Variants in LYSMD3 observed in about 807,000 individuals in gnomAD.
LYSMD3 encodes the protein lysM and putative peptidoglycan-binding domain-containing protein 3.
In LYSMD3, 13 loss-of-function variants were observed where a neutral mutation model predicts 26.1. That is an observed-to-expected ratio of 0.50 (90% CI 0.32 to 0.79). The LOEUF (loss-of-function observed/expected upper bound fraction) is 0.79, where lower values mean the gene tolerates loss of function less well. Among genes scored for constraint, LYSMD3 ranks in the 30% least tolerant of loss-of-function variants. The probability of loss-of-function intolerance (pLI) is 0.03; values close to 1 mark genes in which losing one functional copy is unlikely to be tolerated. For synonymous variants in LYSMD3, 109 were observed against 119.4 expected, an observed-to-expected ratio of 0.91 and a Z score of 0.57; for missense variants, 331 against 362.5, an observed-to-expected ratio of 0.91 and a Z score of 0.71.
chr5:90,524,778 G>A (rs537079452), intron 2 of LYSMD3, among the ~76,000 whole-genome samples: 1 of 152,216 alleles, frequency 6.6e-6, no homozygotes, highest in South Asian at 2.1e-4. Context: ...ATTTTTAGTA[G>A]AGACGGGGTT....
chr5:90,523,487 A>C (rs1410303768), intron 2 of LYSMD3, among the ~76,000 whole-genome samples: 1 of 151,992 alleles, frequency 6.6e-6, no homozygotes, highest in Non-Finnish European at 1.5e-5. Context: ...AATCAATAAA[A>C]GGTTTTTCAA....
intron 2 of LYSMD3, among the ~76,000 whole-genome samples, chr5:90,523,202 G>T (rs1364590037): frequency 1.3e-5 from 2 of 151,996 alleles, no homozygotes; most frequent in African/African-American, 2.4e-5. Context: ...GGCAAGAATT[G>T]ATGTTTTCAT....
At position 90,529,455 on chromosome 5, in the gene LYSMD3, C is replaced by G. The variant is rs978611987; in HGVS notation, c.-19G>C. ...TCCTGCCACCATCTTTACCTGTCCCCGTTAGCAGGGAGCACTCTGCGAGAA... is the reference window on the plus strand; with the variant it reads ...TCCTGCCACCATCTTTACCTGTCCCGGTTAGCAGGGAGCACTCTGCGAGAA... On this transcript the variant is annotated 5_prime_UTR_variant, in exon 1 of 3. Transcript: ENST00000315948. The G allele has an allele frequency of 6.6e-6, 3 of 456,550 alleles. No individual in the cohort carries two copies. The highest frequency in any genetic ancestry group is 1.3e-5 in the Non-Finnish European group (3 of 226,984). The allele number at this position is 456,550 out of a possible 1,614,324, so 28.3% of individuals were successfully genotyped here.
chr5:90,519,228 A>C lies in LYSMD3; in HGVS notation c.512T>G (p.Ile171Arg), dbSNP rs201702752. 6.2e-7 allele frequency: 1 copy of C among 1,613,926 alleles called. No individual in the cohort carries two copies. The highest frequency in any genetic ancestry group is 8.5e-7 in the Non-Finnish European group (1 of 1,179,968). ...TCTCTTATTGTCTGTACACTTTACT[A>C]TTTGTTCTATGTCTCGGTCTACTTC... Reference protein sequence around the residue: ...LKEVDRDIEQIVKCTDNKREN... With the variant: ...LKEVDRDIEQRVKCTDNKREN... Residue 171 changes from isoleucine (I) to arginine (R), a missense_variant, in exon 3 of 3, where the codon ATA becomes AGA. Ile to Arg is a moderately conservative substitution (Grantham distance 97). Around this residue, in one of 3 missense-constraint regions of LYSMD3, gnomAD observed 262 missense variants for 267.3 expected, o/e 0.98. Coordinates refer to ENST00000315948, the MANE Select transcript of LYSMD3 (RefSeq NM_198273.2).
chr5:90,523,913 G>A (rs1201979645), intron 2 of LYSMD3, among the ~76,000 whole-genome samples: 2 of 152,096 alleles, frequency 1.3e-5, no homozygotes, highest in East Asian at 3.9e-4. Context: ...AAAATATCCT[G>A]CTAAGGCCTC....
Position 90,518,911 on chromosome 5 carries a change from C to A in LYSMD3, c.829G>T (p.Val277Leu). The change falls in exon 3 of 3, where the codon GTG (valine) becomes TTG (leucine). Residue 277 changes from valine (V) to leucine (L), a missense_variant. Physicochemically the swap from Val to Leu is conservative, Grantham distance 32. Transcript: ENST00000315948. ...SQQREMENGI[V>L]PTKGIHFSQQ... The stretch of plus-strand genomic sequence containing the variant: ...CTGAAATGTATTCCTTTAGTTGGCA[C>A]AATTCCATTTTCCATTTCTCTCTGC... The A allele has an allele frequency of 1.2e-6, 2 of 1,614,002 alleles. No individual in the cohort carries two copies. Among genetic ancestry groups the A allele is most frequent in the Middle Eastern group, 1.6e-4 (1 of 6,062 alleles).
At position 90,520,918 on chromosome 5, in the gene LYSMD3, C is replaced by CA. The variant is rs371094430; in HGVS notation, c.256-1435dup. Reference sequence around the variant, plus strand: ...TGGGCAACAGAGCGAGACTCCATCTCAAAAAAAAAAAAAGTAATTGAAGTC... The same window carrying CA: ...TGGGCAACAGAGCGAGACTCCATCTCAAAAAAAAAAAAAAGTAATTGAAGTC... On this transcript the variant is annotated intron_variant, in intron 2 of 2. Transcript: ENST00000315948. 1.7e-3 allele frequency among the ~76,000 whole-genome samples: 206 copies of CA among 121,992 alleles called. 1 individual carries two copies. Among genetic ancestry groups the CA allele is most frequent in the East Asian group, 4.0e-3 (17 of 4,256 alleles). The allele number at this position is 121,992 out of a possible 152,430, so 80.0% of individuals were successfully genotyped here.
chr5:90,519,525 A>G, intron 2 of LYSMD3, 41 bp from the exon 3 acceptor site: 1 of 1,536,092 alleles, frequency 6.5e-7, no homozygotes, highest in Non-Finnish European at 8.7e-7. Flanking sequence ...CTGAATTCCA[A>G]TCAAAATAAA....
At chr5:90,524,860 G>A (rs905233643) in intron 2 of LYSMD3, among the ~76,000 whole-genome samples, 175 bp downstream of exon 2, 4 of 152,120 alleles carry the variant, frequency 2.6e-5, no homozygotes, top group Non-Finnish European at 5.9e-5. Flanking sequence ...CCAAAGTGCT[G>A]GGATTACAGG....
At position 90,523,787 on chromosome 5, in the gene LYSMD3, C is replaced by G. The variant is rs80274967; in HGVS notation, c.255+1248G>C. 4.1e-3 allele frequency among the ~76,000 whole-genome samples: 617 copies of G among 152,162 alleles called. 17 individuals carry two copies. In the East Asian group the frequency reaches 0.075, roughly 18 times the overall value. On this transcript the variant is annotated intron_variant, in intron 2 of 2. Coordinates refer to ENST00000315948, the MANE Select transcript of LYSMD3 (RefSeq NM_198273.2). ...CATGAGGAAGAATTTAGGAAGTTCA[C>G]TTAAAAATGTGCAATGAGGTACATA...
rs1580228996 is a variant in LYSMD3, at chr5:90,516,672, T to G, written c.*2147A>C. The G allele has an allele frequency of 6.6e-6, 1 of 152,482 alleles. No individual in the cohort carries two copies. Among genetic ancestry groups the G allele is most frequent in the Admixed American group, 6.5e-5 (1 of 15,294 alleles). The allele number at this position is 152,482 out of a possible 1,614,324, so 9.4% of individuals were successfully genotyped here. A position where few individuals can be genotyped will look rare whatever the true frequency, so the allele number is the denominator to read the frequency against. On this transcript the variant is annotated 3_prime_UTR_variant, in exon 3 of 3. Coordinates refer to ENST00000315948, the MANE Select transcript of LYSMD3 (RefSeq NM_198273.2). ...TATGTAACCTTTATATAGAATTATA[T>G]GTAACTCAAATTATATTCAATTAAT... is the stretch of plus-strand genomic sequence containing the variant.
chr5:90,525,263 A>G lies in LYSMD3; in HGVS notation c.27T>C (p.Ser9=), dbSNP rs1753193416. 3.1e-6 allele frequency: 5 copies of G among 1,610,250 alleles called. No individual in the cohort carries two copies. Among genetic ancestry groups the G allele is most frequent in the Non-Finnish European group, 4.2e-6 (5 of 1,178,884 alleles). The change falls in exon 2 of 3, where the codon AGT becomes AGC. Residue 9 remains serine (S), a synonymous_variant. Transcript: ENST00000315948. The part of the protein sequence containing the change: MAGRHQNR[S]FPLPGVQSSG... ...TTGACTGAACTCCTGGAAGAGGAAA[A>G]CTACGATTCTGATGCCTCCCTGCCA...
intron 2 of LYSMD3, among the ~76,000 whole-genome samples, chr5:90,520,007 C>CA (rs762195803): frequency 6.6e-6 from 1 of 151,394 alleles, no homozygotes; most frequent in Non-Finnish European, 1.5e-5. Flanking sequence ...GCCACCATTC[C>CA]AAAAAAAGAT....
rs1752933487 is a variant in LYSMD3, at chr5:90,515,882, A to C, written c.*2937T>G. On this transcript the variant is annotated 3_prime_UTR_variant, in exon 3 of 3. Transcript: ENST00000315948. Reference sequence around the variant, plus strand: ...AGAAAATACTGATTACCTGAGCAACATTTTTGTAATGCAAATTAAAAATGA... The same window carrying C: ...AGAAAATACTGATTACCTGAGCAACCTTTTTGTAATGCAAATTAAAAATGA... 1 of 152,196 alleles carries C rather than the reference A, an allele frequency of 6.6e-6. No homozygotes were observed. Among genetic ancestry groups the C allele is most frequent in the Admixed American group, 6.5e-5 (1 of 15,288 alleles). The allele number at this position is 152,196 out of a possible 1,614,324, so 9.4% of individuals were successfully genotyped here.
chr5:90,524,840 C>A (rs1753178820), intron 2 of LYSMD3, among the ~76,000 whole-genome samples, 195 bp downstream of exon 2: 1 of 152,168 alleles, frequency 6.6e-6, no homozygotes, highest in African/African-American at 2.4e-5. Context: ...GATCCACCCG[C>A]CTCGGCCTCC....
intron 2 of LYSMD3, 134 bp downstream of exon 2, chr5:90,524,901 C>A: frequency 1.1e-6 from 1 of 895,412 alleles, no homozygotes; most frequent in Non-Finnish European, 1.6e-6. Context: ...CCATGTGACA[C>A]AGATTTCTAT....
intron 1 of LYSMD3, among the ~76,000 whole-genome samples, chr5:90,527,484 A>T (rs1171527430): frequency 1.3e-5 from 2 of 151,480 alleles, no homozygotes; most frequent in African/African-American, 4.9e-5. Flanking sequence ...TATTAGTAGC[A>T]TACAAATTCA....
Position 90,525,030 on chromosome 5 carries a change from C to G in LYSMD3, c.255+5G>C. On this transcript the variant is annotated splice_donor_5th_base_variant and intron_variant, in intron 2 of 2. Coordinates refer to ENST00000315948, the MANE Select transcript of LYSMD3 (RefSeq NM_198273.2). ...TGAATTGCATTATGTAATATTAAAA[C>G]TTACCGTACAACAGTACTGAAGGGC... 1 of 1,563,568 alleles carries G rather than the reference C, an allele frequency of 6.4e-7. No homozygotes were observed. Among genetic ancestry groups the G allele is most frequent in the Non-Finnish European group, 8.7e-7 (1 of 1,153,708 alleles).
rs955036144 is a variant in LYSMD3 at position 90,529,515 on chromosome 5, G to C, written c.-79C>G. ...AAGGTCCGCCGCCGCCGCTGTCCCG[G>C]GTAAGTTCATGGCCGAGCCTCTGCT... is the stretch of plus-strand genomic sequence containing the variant. On this transcript the variant is annotated 5_prime_UTR_variant, in exon 1 of 3. Transcript: ENST00000315948. 2.2e-6 allele frequency: 1 copy of C among 456,512 alleles called. No individual in the cohort carries two copies. Among genetic ancestry groups the C allele is most frequent in the African/African-American group, 2.0e-5 (1 of 50,064 alleles). 28.3% of individuals were successfully genotyped at this position (456,512 alleles called of 1,614,324 possible). A position where few individuals can be genotyped will look rare whatever the true frequency, so the allele number is the denominator to read the frequency against.
Sources: allele counts gnomAD v4.1 joint callset (sites outside exome capture counted in the v4.1 genomes callset), GRCh38; gene constraint gnomAD v4.1.1; regional missense constraint gnomAD v4.1.1; transcripts MANE v1.5; gene names NCBI Gene and HGNC (gene_info 2026-07-23, HGNC 2026-07-21).